SRRM4: variants seen among roughly 807,000 people sequenced by gnomAD.
SRRM4 encodes the protein serine/arginine repetitive matrix 4.
In SRRM4, 33 loss-of-function variants were observed where a neutral mutation model predicts 68.9. That is an observed-to-expected ratio of 0.48 (90% CI 0.36 to 0.64). The LOEUF is 0.64. SRRM4 is among the 30% of genes least tolerant of loss of function. SRRM4 has a pLI of 0.00. For synonymous variants in SRRM4, 318 were observed against 318.8 expected (o/e 1.00, Z 0.03); for missense variants, 817 against 827.1 (o/e 0.99, Z 0.15).
At chr12:119,092,280 G>A (rs767590708) in intron 1 of SRRM4, among the ~76,000 whole-genome samples, 1 of 152,084 alleles carries the variant, frequency 6.6e-6, no homozygotes, top group Non-Finnish European at 1.5e-5. Context: ...TTTAAACACT[G>A]TCCAAATGCT....
intron 1 of SRRM4, among the ~76,000 whole-genome samples, chr12:119,081,885 CTAACAAGAGCTGCCATTAACGGAGA>C (rs199544265): frequency 0.14 from 21,991 of 152,240 alleles, 1,688 homozygotes; most frequent in East Asian, 0.22. Context: ...ACCAGAACAG[CTAACAAGAGCTGCCATTAACGGAGA>C]TGATGAAGAT....
chr12:119,008,220 T>C (rs990758193), intron 1 of SRRM4, among the ~76,000 whole-genome samples: 3 of 151,982 alleles, frequency 2.0e-5, no homozygotes, highest in Non-Finnish European at 2.9e-5. Context: ...AAAAGCCTCA[T>C]CTCTACAAAA....
At chr12:119,078,970 C>A (rs937388841) in intron 1 of SRRM4, among the ~76,000 whole-genome samples, 1 of 152,148 alleles carries the variant, frequency 6.6e-6, no homozygotes, top group African/African-American at 2.4e-5. Flanking sequence ...TAAAGCACAT[C>A]TTTAAGGACG....
chr12:119,042,582 T>C (rs1340332539), intron 1 of SRRM4, among the ~76,000 whole-genome samples: 2 of 146,182 alleles, frequency 1.4e-5, no homozygotes, highest in East Asian at 2.0e-4. Flanking sequence ...TGGTAGACAA[T>C]GGAAGATGAA....
chr12:119,150,956 C>A, intron 9 of SRRM4, 61 bp from the exon 10 acceptor site: 1 of 1,527,938 alleles, frequency 6.5e-7, no homozygotes, highest in South Asian at 1.2e-5. Context: ...GGGAGGTATT[C>A]AAACAAGATG....
At chr12:119,117,558 G>A (rs1337117822) in intron 4 of SRRM4, among the ~76,000 whole-genome samples, 2 of 151,746 alleles carry the variant, frequency 1.3e-5, no homozygotes, top group East Asian at 1.9e-4. Flanking sequence ...TAGTTACAGC[G>A]CATCATGAAC....
chr12:119,051,182 T>C (rs1289102218), intron 1 of SRRM4, among the ~76,000 whole-genome samples: 2 of 152,174 alleles, frequency 1.3e-5, no homozygotes, highest in Admixed American at 6.5e-5. Context: ...AGTGTCATGG[T>C]TGGAAAACCA....
intron 1 of SRRM4, among the ~76,000 whole-genome samples, chr12:119,038,044 C>T (rs1000458473): frequency 2.0e-5 from 3 of 152,094 alleles, no homozygotes; most frequent in Admixed American, 6.5e-5. Flanking sequence ...ACTTATTGAG[C>T]AACTACTATG....
chr12:119,068,660 T>C (rs1953860393), intron 1 of SRRM4, among the ~76,000 whole-genome samples: 1 of 152,112 alleles, frequency 6.6e-6, no homozygotes, highest in Admixed American at 6.5e-5. Context: ...CACACTGGCA[T>C]GCCACAGAGC....
intron 1 of SRRM4, among the ~76,000 whole-genome samples, chr12:119,023,463 A>G (rs776430468): frequency 6.6e-6 from 1 of 152,164 alleles, no homozygotes; most frequent in Non-Finnish European, 1.5e-5. Context: ...TTTGATCCCT[A>G]TCAAGAGCCA....
intron 1 of SRRM4, chr12:118,993,813 C>T (rs971440320): frequency 1.3e-5 from 2 of 152,224 alleles, no homozygotes; most frequent in African/African-American, 4.8e-5. Context: ...TTGTAGGGCA[C>T]TTGTGGGCTT....
chr12:118,986,982 C>T (rs1259268058), intron 1 of SRRM4, among the ~76,000 whole-genome samples: 1 of 152,034 alleles, frequency 6.6e-6, no homozygotes, highest in Admixed American at 6.5e-5. Context: ...TTCACAGGGG[C>T]TTAGCAAAAC....
intron 1 of SRRM4, among the ~76,000 whole-genome samples, chr12:119,026,804 T>C (rs1953551770): frequency 6.6e-6 from 1 of 152,166 alleles, no homozygotes; most frequent in Non-Finnish European, 1.5e-5. Flanking sequence ...CCCAAAGTGC[T>C]GGGATTACAG....
chr12:119,065,198 C>G (rs1398638340), intron 1 of SRRM4, among the ~76,000 whole-genome samples: 2 of 152,072 alleles, frequency 1.3e-5, no homozygotes, highest in African/African-American at 4.8e-5. Context: ...CAGATCTGTC[C>G]AGCTCCAGAG....
In SRRM4 at chr12:118,989,811, T is replaced by G. The variant is rs893867900; in HGVS notation, c.131+7798T>G. On this transcript the variant is annotated intron_variant, in intron 1 of 12. Coordinates refer to ENST00000267260, the MANE Select transcript of SRRM4 (RefSeq NM_194286.4). Reference sequence around the variant, plus strand: ...GGTTGCTGGATTCCCAAAGCTTAGATGCCGCTGTCGGACAGCTTTGCTGAG... The same window carrying G: ...GGTTGCTGGATTCCCAAAGCTTAGAGGCCGCTGTCGGACAGCTTTGCTGAG... 5.9e-5 allele frequency: 9 copies of G among 152,364 alleles called. No individual in the cohort carries two copies. In the East Asian group the frequency reaches 1.7e-3, roughly 29 times the overall value. The allele number at this position is 152,364 out of a possible 1,614,324, so 9.4% of individuals were successfully genotyped here.
rs1052293874 is a variant in SRRM4 at position 119,160,033 on chromosome 12, C to T, written c.*3235C>T. The T allele has an allele frequency of 4.6e-5, 7 of 152,180 alleles. No individual in the cohort carries two copies. Among genetic ancestry groups the T allele is most frequent in the African/African-American group, 1.4e-4 (6 of 41,410 alleles). The allele number at this position is 152,180 out of a possible 1,614,324, so 9.4% of individuals were successfully genotyped here. A position where few individuals can be genotyped will look rare whatever the true frequency, so the allele number is the denominator to read the frequency against. On this transcript the variant is annotated 3_prime_UTR_variant, in exon 13 of 13. Coordinates refer to ENST00000267260, the MANE Select transcript of SRRM4 (RefSeq NM_194286.4). Reference sequence around the variant, plus strand: ...CTGGCAGTGTCTTCTGGCTGCTGGCCGGAGACAGCTCTTGCCCTTTCCAAA... The same window carrying T: ...CTGGCAGTGTCTTCTGGCTGCTGGCTGGAGACAGCTCTTGCCCTTTCCAAA...
intron 1 of SRRM4, among the ~76,000 whole-genome samples, chr12:119,062,582 T>C (rs1370116993): frequency 6.6e-6 from 1 of 152,246 alleles, no homozygotes; most frequent in Admixed American, 6.5e-5. Flanking sequence ...TTCTTTTTAC[T>C]TTTTAAACTT....
chr12:119,096,124 C>T (rs1954042869), intron 1 of SRRM4, among the ~76,000 whole-genome samples: 1 of 151,186 alleles, frequency 6.6e-6, no homozygotes, highest in Non-Finnish European at 1.5e-5. Context: ...AGGTTCATGC[C>T]ATTCTCCTGC....
At chr12:119,089,254 G>T (rs1012302261) in intron 1 of SRRM4, among the ~76,000 whole-genome samples, 1 of 152,140 alleles carries the variant, frequency 6.6e-6, no homozygotes. Context: ...TTGGAGCCAC[G>T]GGGAACCCAC....
Sources: allele counts gnomAD v4.1 joint callset (sites outside exome capture counted in the v4.1 genomes callset), GRCh38; gene constraint gnomAD v4.1.1; transcripts MANE v1.5; gene names NCBI Gene and HGNC (gene_info 2026-07-23, HGNC 2026-07-21).